The following OSMR variants were observed in gnomAD, a reference collection of about 807,000 sequenced individuals.
OSMR encodes the protein oncostatin-M-specific receptor subunit beta.
A neutral mutation model predicts 99.9 loss-of-function variants in OSMR; 81 were observed. The observed-to-expected ratio is 0.81, with a 90% CI of 0.68 to 0.97. The LOEUF is 0.97. Ranked by LOEUF, OSMR falls within the 50% of genes least tolerant of loss-of-function variation. The probability of loss-of-function intolerance (pLI) is 0.00; values close to 1 mark genes in which losing one functional copy is unlikely to be tolerated. For synonymous variants in OSMR, 406 were observed against 410.4 expected (o/e 0.99, Z 0.13); for missense variants, 1,099 against 1,153.4 (o/e 0.95, Z 0.68).
intron 2 of OSMR, among the ~76,000 whole-genome samples, chr5:38,875,282 T>A (rs1186274775): frequency 6.6e-6 from 1 of 152,226 alleles, no homozygotes; most frequent in Non-Finnish European, 1.5e-5. Flanking sequence ...TTACAATCTA[T>A]ATGGTGTTTT....
intron 7 of OSMR, among the ~76,000 whole-genome samples, chr5:38,899,810 C>T (rs1450377409): frequency 6.6e-6 from 1 of 152,158 alleles, no homozygotes; most frequent in Non-Finnish European, 1.5e-5. Context: ...TTTACTCTTC[C>T]CCCTCTTCTC....
At chr5:38,913,260 G>C (rs910241917) in intron 9 of OSMR, among the ~76,000 whole-genome samples, 1 of 151,908 alleles carries the variant, frequency 6.6e-6, no homozygotes, top group Admixed American at 6.6e-5. Context: ...TTAAAAAGTG[G>C]GCAAAAGGGC....
chr5:38,902,384 C>T (rs1744951063), intron 7 of OSMR, among the ~76,000 whole-genome samples: 1 of 152,190 alleles, frequency 6.6e-6, no homozygotes, highest in Non-Finnish European at 1.5e-5. Flanking sequence ...TGGTCTCTGG[C>T]ACCTAAAATG....
At chr5:38,866,438 C>T (rs1301403033) in intron 1 of OSMR, among the ~76,000 whole-genome samples, 1 of 152,152 alleles carries the variant, frequency 6.6e-6, no homozygotes, top group African/African-American at 2.4e-5. Flanking sequence ...AATGGACTCT[C>T]AGGCTTTTGG....
At chr5:38,938,667 AAAG>A (rs1354554418), downstream of OSMR, 2 of 232,590 alleles carry the variant, frequency 8.6e-6, no homozygotes, top group African/African-American at 4.4e-5. Context: ...CTTGGAACTA[AAAG>A]AAGAAAAGAA....
rs1393252136 is a variant in OSMR, at chr5:38,933,394, A to C, written c.2890A>C (p.Ser964Arg). ...TGCCTTGCCTCCCCCGACCGAGAAT[A>C]GCAGCCTCTCCTCAATTACCCTTTT... ...RLALPPPTEN[S>R]SLSSITLLDP... Residue 964 changes from serine (S) to arginine (R), a missense_variant, in exon 18 of 18, where the codon AGC becomes CGC. Coordinates refer to ENST00000274276, the MANE Select transcript of OSMR (RefSeq NM_003999.3). 6.2e-7 allele frequency: 1 copy of C among 1,614,042 alleles called. No individual in the cohort carries two copies.
chr5:38,847,453 G>A (rs1316174099), intron 1 of OSMR, among the ~76,000 whole-genome samples: 1 of 152,076 alleles, frequency 6.6e-6, no homozygotes, highest in Non-Finnish European at 1.5e-5. Flanking sequence ...CAGGATTTGG[G>A]TTTGGAGTCT....
rs117533362 is a variant in OSMR, at chr5:38,922,519, G to T, written c.1766-631G>T. On this transcript the variant is annotated intron_variant, in intron 12 of 17. Transcript: ENST00000274276. ...GGAGGGGGATTTGGAGCCAAAGAAG[G>T]GCTTGGTTTTCTATGTCTGGTCTGA... is the stretch of plus-strand genomic sequence containing the variant. Among the ~76,000 whole-genome samples the T allele has an allele frequency of 9.1e-4, 139 of 152,200 alleles. 2 individuals are homozygous for T. In the East Asian group the frequency reaches 0.022, roughly 25 times the overall value.
Position 38,933,254 on chromosome 5 carries a change from A to C in OSMR, c.2750A>C (p.Tyr917Ser). ...CCAGCTGGAGAAACAAGTTTGAATT[A>C]TGTGTCCCAGTTGGCTTCACCCATG... ...EIPAGETSLNYVSQLASPMFG... is the reference protein window; with the variant it reads ...EIPAGETSLNSVSQLASPMFG... The change falls in exon 18 of 18, where the codon TAT becomes TCT. Residue 917 changes from tyrosine to serine, a missense_variant. Physicochemically the swap from Tyr to Ser is moderately radical, Grantham distance 144. Coordinates refer to ENST00000274276, the MANE Select transcript of OSMR (RefSeq NM_003999.3). 1 of 1,614,140 alleles carries C rather than the reference A, an allele frequency of 6.2e-7. No individual in the cohort carries two copies.
chr5:38,847,231 A>G (rs530657284), intron 1 of OSMR, among the ~76,000 whole-genome samples: 14 of 152,208 alleles, frequency 9.2e-5, no homozygotes, highest in Non-Finnish European at 1.9e-4. Context: ...GGGTCAAACT[A>G]CTTATCACCT....
At chr5:38,906,422 A>G (rs1016841608) in intron 9 of OSMR, among the ~76,000 whole-genome samples, 2 of 152,308 alleles carry the variant, frequency 1.3e-5, no homozygotes, top group African/African-American at 4.8e-5. Flanking sequence ...AACCATGCTT[A>G]AGTATAATTA....
chr5:38,847,699 C>T (rs2111977577), intron 1 of OSMR, among the ~76,000 whole-genome samples: 1 of 152,312 alleles, frequency 6.6e-6, no homozygotes, highest in Non-Finnish European at 1.5e-5. Context: ...AGCATTTGTT[C>T]AGTGCCTCCA....
At chr5:38,942,189 G>A (rs767016704) in intron 1 of OSMR, 24 of 583,240 alleles carry the variant, frequency 4.1e-5, no homozygotes, top group Non-Finnish European at 6.9e-5. Flanking sequence ...GCGGAACAGT[G>A]TACAGAAGAT....
rs138878832 is a variant in OSMR, at chr5:38,901,978, G to A, written c.992-1904G>A. 3.2e-4 allele frequency among the ~76,000 whole-genome samples: 48 copies of A among 152,228 alleles called. No homozygotes were observed. In the East Asian group the frequency reaches 5.6e-3, roughly 18 times the overall value. ...GACAACACTTTTGTTTGGCTGTATCGGGGATACTTCTTTGGTGTTCAGCTT... is the reference window on the plus strand; with the variant it reads ...GACAACACTTTTGTTTGGCTGTATCAGGGATACTTCTTTGGTGTTCAGCTT... On this transcript the variant is annotated intron_variant, in intron 7 of 17. Coordinates refer to ENST00000274276, the MANE Select transcript of OSMR (RefSeq NM_003999.3).
chr5:38,899,189 A>G (rs970196924), intron 7 of OSMR, among the ~76,000 whole-genome samples: 2 of 151,856 alleles, frequency 1.3e-5, no homozygotes, highest in Non-Finnish European at 2.9e-5. Context: ...CAAATTCCCA[A>G]CCTTGTGATC....
intron 7 of OSMR, among the ~76,000 whole-genome samples, chr5:38,890,562 T>G (rs900401197): frequency 1.1e-4 from 16 of 152,034 alleles, no homozygotes; most frequent in African/African-American, 3.9e-4. Context: ...AAGGCTAGGT[T>G]GTTGGTTGCC....
chr5:38,927,106 G>A (rs970099770), intron 15 of OSMR, among the ~76,000 whole-genome samples: 1 of 152,232 alleles, frequency 6.6e-6, no homozygotes, highest in Admixed American at 6.5e-5. Flanking sequence ...GGCTCCTGTG[G>A]TCTTGGACAG....
Position 38,921,773 on chromosome 5 carries a change from A to G in OSMR, c.1744A>G (p.Thr582Ala), listed in dbSNP as rs746519057. The change falls in exon 12 of 18, where the codon ACA becomes GCA. Residue 582 changes from threonine (T) to alanine (A), a missense_variant. Physicochemically the swap from Thr to Ala is moderately conservative, Grantham distance 58. Transcript: ENST00000274276. ...FQWKNVGPNT[T>A]STVISTDAFR... ...GTGGAAGAATGTAGGTCCCAATACC[A>G]CAAGCACAGTCATTAGCACAGGTAA... 7 of 1,614,036 alleles carry G rather than the reference A, an allele frequency of 4.3e-6. No homozygotes were observed. The South Asian group carries it at 7.7e-5, about 18-fold the overall frequency.
chr5:38,926,248 C>T (rs1395627708), intron 15 of OSMR, among the ~76,000 whole-genome samples: 9 of 152,210 alleles, frequency 5.9e-5, no homozygotes, highest in Admixed American at 5.2e-4. Flanking sequence ...CTCACTGAAG[C>T]TGCAGCTGTA....
Sources: gnomAD v4.1 joint callset for allele counts (sites outside exome capture counted in the v4.1 genomes callset) on GRCh38, gnomAD v4.1.1 for gene constraint, MANE v1.5 for transcripts, NCBI Gene and HGNC (gene_info 2026-07-23, HGNC 2026-07-21) for gene names.